Variants in CIMIP2C observed in about 807,000 individuals in gnomAD.
The protein encoded by CIMIP2C is ciliary microtubule inner protein 2C.
the CIMIP2C span, among the ~76,000 whole-genome samples, chr2:26,564,670 G>A: frequency 1.3e-5 from 2 of 152,166 alleles, no homozygotes; most frequent in African/African-American, 4.8e-5. Flanking sequence ...CAAGATTCCC[G>A]ACCACACTTG....
chr2:26,574,259 G>A, the CIMIP2C span, among the ~76,000 whole-genome samples: 1 of 152,226 alleles, frequency 6.6e-6, no homozygotes, highest in Admixed American at 6.5e-5. Context: ...CTAAAGTTCA[G>A]TCTGCTGGAG....
the CIMIP2C span, among the ~76,000 whole-genome samples, chr2:26,571,068 C>T: frequency 6.6e-6 from 1 of 152,072 alleles, no homozygotes. Context: ...GGCGTGGTGG[C>T]CCAGCCTTGT....
the CIMIP2C span, among the ~76,000 whole-genome samples, chr2:26,564,575 T>C: frequency 5.3e-5 from 8 of 152,244 alleles, no homozygotes; most frequent in Non-Finnish European, 1.2e-4. Context: ...CCCTTAAAGA[T>C]TCCCATCAGC....
the CIMIP2C span, among the ~76,000 whole-genome samples, chr2:26,566,252 CT>C: frequency 2.6e-5 from 4 of 152,214 alleles, no homozygotes; most frequent in African/African-American, 9.6e-5. Flanking sequence ...CTCCCAGCCC[CT>C]CTCTCTGTCT....
chr2:26,579,263 T>C, the CIMIP2C span: 6 of 1,607,646 alleles, frequency 3.7e-6, no homozygotes, highest in Non-Finnish European at 5.1e-6. Flanking sequence ...CCTGGCACAC[T>C]GCATAACACC....
the CIMIP2C span, among the ~76,000 whole-genome samples, chr2:26,571,823 G>A: frequency 1.1e-4 from 17 of 151,996 alleles, no homozygotes; most frequent in Admixed American, 9.8e-4. Context: ...GTGAATGGAC[G>A]GATGGATGGA....
the CIMIP2C span, chr2:26,562,712 C>T: frequency 6.5e-7 from 1 of 1,545,304 alleles, no homozygotes; most frequent in Admixed American, 1.9e-5. Flanking sequence ...CGCCTCCTCC[C>T]CTCCCCCTTC....
the CIMIP2C span, chr2:26,572,122 T>C: frequency 6.5e-7 from 1 of 1,546,008 alleles, no homozygotes; most frequent in East Asian, 2.5e-5. Flanking sequence ...TTAGATGCCA[T>C]GGGTTGACTC....
chr2:26,571,178 G>A, the CIMIP2C span, among the ~76,000 whole-genome samples: 1 of 152,114 alleles, frequency 6.6e-6, no homozygotes. Flanking sequence ...CATGTTGGAA[G>A]TCTAACACAG....
the CIMIP2C span, among the ~76,000 whole-genome samples, chr2:26,566,878 C>T: frequency 6.6e-6 from 1 of 152,142 alleles, no homozygotes; most frequent in Admixed American, 6.5e-5. Flanking sequence ...CACCACCATA[C>T]CTGGCTAATT....
At chr2:26,573,988 C>A in the CIMIP2C span, among the ~76,000 whole-genome samples, 3 of 152,358 alleles carry the variant, frequency 2.0e-5, no homozygotes, top group Non-Finnish European at 4.4e-5. Flanking sequence ...CGCTTCCTTG[C>A]CTTTTTCCTG....
the CIMIP2C span, chr2:26,577,806 G>C: frequency 3.7e-6 from 2 of 544,198 alleles, no homozygotes; most frequent in African/African-American, 2.0e-5. Context: ...GGCAGCCTCA[G>C]GGGGGATGGT....
chr2:26,576,246 G>C, the CIMIP2C span: 1 of 1,517,632 alleles, frequency 6.6e-7, no homozygotes, highest in Non-Finnish European at 8.9e-7. Flanking sequence ...AGGGAGTGAT[G>C]GCCAGGGGCC....
chr2:26,575,697 T>C, the CIMIP2C span, among the ~76,000 whole-genome samples: 210 of 152,232 alleles, frequency 1.4e-3, 1 homozygote, highest in African/African-American at 4.6e-3. Flanking sequence ...TGTTATTATG[T>C]TTTTATGTAG....
chr2:26,576,083 G>A, the CIMIP2C span: 17 of 1,614,176 alleles, frequency 1.1e-5, no homozygotes, highest in African/African-American at 5.3e-5. Context: ...GATGGAGCGC[G>A]CCAGCACCCG....
At chr2:26,575,950 C>T in the CIMIP2C span, 379 of 1,613,830 alleles carry the variant, frequency 2.3e-4, 1 homozygote, top group East Asian at 6.5e-3. Flanking sequence ...GCGCTCCCTA[C>T]GGCACCACCA....
the CIMIP2C span, among the ~76,000 whole-genome samples, chr2:26,574,741 A>C: frequency 6.6e-6 from 1 of 152,262 alleles, no homozygotes. Context: ...AAGCAACAGA[A>C]AGGAGCAAAG....
At chr2:26,576,476 C>A in the CIMIP2C span, among the ~76,000 whole-genome samples, 1 of 152,194 alleles carries the variant, frequency 6.6e-6, no homozygotes, top group Non-Finnish European at 1.5e-5. Flanking sequence ...TAGGCTCCTG[C>A]CCTTACCTTC....
chr2:26,574,938 T>G, the CIMIP2C span, among the ~76,000 whole-genome samples: 148,057 of 152,340 alleles, frequency 0.97, 72,080 homozygotes, highest in East Asian at 1. Context: ...GAGGCATGCA[T>G]GGGGGCACAG....
Sources: gnomAD v4.1 joint callset for allele counts (sites outside exome capture counted in the v4.1 genomes callset) on GRCh38, gnomAD v4.1.1 for gene constraint, MANE v1.5 for transcripts, NCBI Gene and HGNC (gene_info 2026-07-23, HGNC 2026-07-21) for gene names.